Variants in CATSPERB observed in about 807,000 individuals in gnomAD.
CATSPERB encodes the protein cation channel sperm-associated auxiliary subunit beta.
In CATSPERB, 93 loss-of-function variants were observed where a neutral mutation model predicts 128.3. The observed-to-expected ratio is 0.72, with a 90% CI of 0.61 to 0.86. CATSPERB has a LOEUF of 0.86. CATSPERB is among the 40% of genes least tolerant of loss of function. The pLI, the probability that CATSPERB is intolerant of heterozygous loss-of-function variation, is 0.00. For missense variants in CATSPERB, 1,153 were observed against 1,329.5 expected (o/e 0.87, Z 2.06); for synonymous variants, 381 against 448.8 (o/e 0.85, Z 1.91).
At chr14:91,632,189 T>A (rs1281219037) in intron 17 of CATSPERB, among the ~76,000 whole-genome samples, 2 of 152,128 alleles carry the variant, frequency 1.3e-5, no homozygotes, top group Admixed American at 6.5e-5. Flanking sequence ...AACCACAAAA[T>A]TCATTTATGT....
intron 7 of CATSPERB, among the ~76,000 whole-genome samples, chr14:91,699,311 A>G (rs906318056): frequency 1.3e-5 from 2 of 152,124 alleles, no homozygotes; most frequent in Non-Finnish European, 2.9e-5. Context: ...ACTAATTTAC[A>G]TTCCAACCAG....
At chr14:91,637,647 G>A (rs985849154) in intron 16 of CATSPERB, among the ~76,000 whole-genome samples, 9 of 152,138 alleles carry the variant, frequency 5.9e-5, no homozygotes, top group East Asian at 1.9e-4. Context: ...ATAAATCGTC[G>A]TTATAAAGAT....
Position 91,723,149 on chromosome 14 carries a change from G to C in CATSPERB, c.209C>G (p.Ser70Ter). The change falls in exon 4 of 27, where the codon TCA becomes TGA. Residue 70 changes from serine (S) to a stop codon, truncating the protein, a stop_gained. Transcript: ENST00000256343. LOFTEE classifies it high-confidence loss of function. ...TGTGAACACACTTAGCATTGCTTTT[G>C]ATGCAATTTCATTTTCAGTTTGGAA... ...CFFQTENEIA[S>*]KAMLSVFTSG... is the part of the protein sequence containing the mutation. 6.6e-7 allele frequency: 1 copy of C among 1,510,406 alleles called. No individual in the cohort carries two copies. The highest frequency in any genetic ancestry group is 1.4e-5 in the African/African-American group (1 of 70,768). The allele number at this position is 1,510,406 out of a possible 1,614,324, so 93.6% of individuals were successfully genotyped here.
At position 91,617,658 on chromosome 14, in the gene CATSPERB, G is replaced by A. The variant is rs1340445493; in HGVS notation, c.2339C>T (p.Thr780Ile). The A allele has an allele frequency of 6.2e-7, 1 of 1,601,764 alleles. No homozygotes were observed. The highest frequency in any genetic ancestry group is 8.5e-7 in the Non-Finnish European group (1 of 1,175,452). ...PNLLEVTAEV[T>I]FDDTDSYVIT... Reference sequence around the variant, plus strand: ...TACATAACTGTCAGTATCATCAAAAGTCACTTCAGCTGTAACTTCCAACAA... The same window carrying A: ...TACATAACTGTCAGTATCATCAAAAATCACTTCAGCTGTAACTTCCAACAA... Residue 780 changes from threonine (T) to isoleucine (I), a missense_variant, in exon 20 of 27, where the codon ACT becomes ATT. Coordinates refer to ENST00000256343, the MANE Select transcript of CATSPERB (RefSeq NM_024764.4).
chr14:91,594,972 G>GA (rs1416133376), intron 22 of CATSPERB, among the ~76,000 whole-genome samples: 6 of 151,684 alleles, frequency 4.0e-5, no homozygotes, highest in African/African-American at 7.3e-5. Flanking sequence ...AAAAAGGAAG[G>GA]AAAAAAATTG....
chr14:91,648,860 A>C (rs916986374), intron 15 of CATSPERB, among the ~76,000 whole-genome samples: 1 of 152,200 alleles, frequency 6.6e-6, no homozygotes, highest in Non-Finnish European at 1.5e-5. Context: ...TAATGGAGAA[A>C]TGTAGATTAC....
At chr14:91,714,206 G>T (rs921691807) in intron 5 of CATSPERB, among the ~76,000 whole-genome samples, 2 of 149,650 alleles carry the variant, frequency 1.3e-5, no homozygotes, top group Non-Finnish European at 3.0e-5. Context: ...CTGGAAACAA[G>T]GCAAGGATGT....
At chr14:91,671,948 A>G (rs557535106) in intron 13 of CATSPERB, among the ~76,000 whole-genome samples, 1 of 150,696 alleles carries the variant, frequency 6.6e-6, no homozygotes, top group African/African-American at 2.4e-5. Flanking sequence ...TGAACCCGGG[A>G]GGCGGAGCTT....
chr14:91,656,199 A>G (rs935891109), intron 15 of CATSPERB, among the ~76,000 whole-genome samples: 4 of 152,304 alleles, frequency 2.6e-5, no homozygotes, highest in African/African-American at 9.6e-5. Context: ...TACTTCAAGC[A>G]TAAATAAAAA....
At chr14:91,720,089 T>G (rs1444736624) in intron 4 of CATSPERB, among the ~76,000 whole-genome samples, 1 of 152,046 alleles carries the variant, frequency 6.6e-6, no homozygotes. Context: ...CTGGAAACAT[T>G]CCAAATTTGC....
Position 91,699,666 on chromosome 14 carries a change from C to T in CATSPERB, c.616+4886G>A, listed in dbSNP as rs546312077. On this transcript the variant is annotated intron_variant, in intron 7 of 26. Transcript: ENST00000256343. The stretch of plus-strand genomic sequence containing the variant: ...TCGGCTCACTGCAACCTCTGCCTCC[C>T]GGGTTCAAGAGATTCTCCTGCCTCA... Among the ~76,000 whole-genome samples the T allele has an allele frequency of 3.5e-3, 523 of 151,554 alleles. 3 individuals are homozygous for T. The highest frequency in any genetic ancestry group is 4.7e-3 in the Admixed American group (72 of 15,226).
chr14:91,622,320 C>T (rs980351021), intron 18 of CATSPERB, among the ~76,000 whole-genome samples: 9 of 151,834 alleles, frequency 5.9e-5, no homozygotes, highest in African/African-American at 2.2e-4. Context: ...TAAAGATGTG[C>T]TTATTACACA....
chr14:91,674,278 T>C, intron 11 of CATSPERB, 56 bp from the exon 12 acceptor site: 1 of 1,086,730 alleles, frequency 9.2e-7, no homozygotes, highest in Non-Finnish European at 1.4e-6. Flanking sequence ...TTTCTAAAAC[T>C]GGAAGGGTTA....
At chr14:91,618,910 T>A (rs2139785067) in intron 19 of CATSPERB, among the ~76,000 whole-genome samples, 1 of 152,322 alleles carries the variant, frequency 6.6e-6, no homozygotes, top group African/African-American at 2.4e-5. Flanking sequence ...GATTCTGCAT[T>A]TCTAACAAGT....
At chr14:91,658,243 G>A (rs1894818639) in intron 15 of CATSPERB, among the ~76,000 whole-genome samples, 7 of 152,108 alleles carry the variant, frequency 4.6e-5, no homozygotes, top group Admixed American at 4.6e-4. Flanking sequence ...AACATGATTG[G>A]AACTGGAGGA....
chr14:91,606,384 A>G, intron 22 of CATSPERB, among the ~76,000 whole-genome samples: 1 of 150,494 alleles, frequency 6.6e-6, no homozygotes, highest in Admixed American at 6.6e-5. Context: ...TCAACATGGC[A>G]AAACCCCGTC....
intron 9 of CATSPERB, among the ~76,000 whole-genome samples, chr14:91,692,808 C>T (rs1046633083): frequency 6.6e-6 from 1 of 152,110 alleles, no homozygotes; most frequent in African/African-American, 2.4e-5. Flanking sequence ...TTATAAATTA[C>T]CTTAAAGCAT....
rs1323535435 is a variant in CATSPERB, at chr14:91,581,052, G to T, written c.3188C>A (p.Ala1063Glu). 1.9e-6 allele frequency: 3 copies of T among 1,614,200 alleles called. No individual in the cohort carries two copies. The South Asian group carries it at 3.3e-5, about 18-fold the overall frequency. ...PFPGHTLIAV[A>E]TAVVLGGLIF... is the part of the protein sequence containing the mutation. ...TAATCCCCCTAGCACTACCGCTGTT[G>T]CCACGGCAATAAGCGTGTGTCCTGG... is the stretch of plus-strand genomic sequence containing the variant. Residue 1063 changes from alanine to glutamate, a missense_variant, in exon 27 of 27, where the codon GCA becomes GAA. Ala to Glu is a moderately radical substitution (Grantham distance 107). Transcript: ENST00000256343.
intron 26 of CATSPERB, among the ~76,000 whole-genome samples, chr14:91,582,602 A>G (rs1893223271): frequency 6.6e-6 from 1 of 151,806 alleles, no homozygotes. Context: ...TACCCTTCCT[A>G]ATTGGTTTTC....
Sources: gnomAD v4.1 joint callset for allele counts (sites outside exome capture counted in the v4.1 genomes callset) on GRCh38, gnomAD v4.1.1 for gene constraint, MANE v1.5 for transcripts, NCBI Gene and HGNC (gene_info 2026-07-23, HGNC 2026-07-21) for gene names.